The following ZFAT variants were observed in gnomAD, a reference collection of about 807,000 sequenced individuals.
ZFAT encodes the protein zinc finger protein ZFAT.
Under a neutral mutation model 117.7 loss-of-function variants are expected in ZFAT, and 64 were observed. The observed-to-expected ratio is 0.54, with a 90% CI of 0.44 to 0.67. The LOEUF (loss-of-function observed/expected upper bound fraction) is 0.67, where lower values mean the gene tolerates loss of function less well. ZFAT is among the 30% of genes least tolerant of loss of function. The pLI, the probability that ZFAT is intolerant of heterozygous loss-of-function variation, is 0.00. For synonymous variants in ZFAT, 679 were observed against 615.0 expected (o/e 1.10, Z -1.54); for missense variants, 1,433 against 1,584.5 (o/e 0.90, Z 1.62).
At chr8:134,652,810 A>T (rs575207013) in intron 2 of ZFAT, among the ~76,000 whole-genome samples, 1 of 152,230 alleles carries the variant, frequency 6.6e-6, no homozygotes, top group Non-Finnish European at 1.5e-5. Context: ...AGAAGATCTT[A>T]GATCCTAGTG....
At chr8:134,548,481 T>C (rs1056718263) in intron 11 of ZFAT, among the ~76,000 whole-genome samples, 2 of 152,174 alleles carry the variant, frequency 1.3e-5, no homozygotes, top group Non-Finnish European at 1.5e-5. Context: ...GCAGAGCAGG[T>C]GCTTGTGGCC....
intron 10 of ZFAT, among the ~76,000 whole-genome samples, chr8:134,570,259 C>T (rs1824794199): frequency 6.6e-6 from 1 of 152,152 alleles, no homozygotes; most frequent in Admixed American, 6.5e-5. Flanking sequence ...AAAATCAGTC[C>T]CTGTGCCCCT....
chr8:134,787,262 G>C, the ZFAT span, among the ~76,000 whole-genome samples: 1 of 152,066 alleles, frequency 6.6e-6, no homozygotes, highest in Non-Finnish European at 1.5e-5. Flanking sequence ...TTAAATAGTT[G>C]CCTACCCCAA....
intron 3 of ZFAT, 89 bp from the exon 4 acceptor site, chr8:134,610,744 A>C: frequency 6.8e-7 from 1 of 1,466,404 alleles, no homozygotes; most frequent in East Asian, 2.3e-5. Flanking sequence ...CGGGACAGTA[A>C]AGGAAACACA....
At chr8:134,745,086 G>C in the ZFAT span, among the ~76,000 whole-genome samples, 5 of 152,080 alleles carry the variant, frequency 3.3e-5, no homozygotes, top group African/African-American at 1.2e-4. Context: ...ATCTCCTTTT[G>C]ATTAACCCTA....
intron 15 of ZFAT, among the ~76,000 whole-genome samples, chr8:134,503,911 CACAA>C (rs1264100296): frequency 2.0e-5 from 3 of 150,958 alleles, no homozygotes; most frequent in Non-Finnish European, 1.5e-5. Flanking sequence ...TTCTTTTGAA[CACAA>C]ACACACACAC....
chr8:134,577,866 A>G (rs1479440005), intron 10 of ZFAT, among the ~76,000 whole-genome samples: 2 of 152,320 alleles, frequency 1.3e-5, no homozygotes, highest in South Asian at 2.1e-4. Context: ...TAAGGAAACT[A>G]TATAATGCAC....
chr8:134,750,212 T>G, the ZFAT span, among the ~76,000 whole-genome samples: 1 of 152,204 alleles, frequency 6.6e-6, no homozygotes, highest in African/African-American at 2.4e-5. Context: ...CATAGATCTA[T>G]TCCTAAGTAA....
intron 3 of ZFAT, among the ~76,000 whole-genome samples, chr8:134,621,919 G>C (rs754438477): frequency 1.3e-5 from 2 of 152,212 alleles, no homozygotes; most frequent in African/African-American, 4.8e-5. Context: ...GGAGTTAAAG[G>C]CATCTCAGCT....
the ZFAT span, among the ~76,000 whole-genome samples, chr8:134,746,881 T>G: frequency 6.6e-6 from 1 of 152,224 alleles, no homozygotes; most frequent in Non-Finnish European, 1.5e-5. Flanking sequence ...AGCTATAATA[T>G]GTCTGCGACA....
Position 134,651,996 on chromosome 8 carries a change from C to T in ZFAT, c.196+5565G>A, listed in dbSNP as rs115698484. On this transcript the variant is annotated intron_variant, in intron 2 of 15. Coordinates refer to ENST00000377838, the MANE Select transcript of ZFAT (RefSeq NM_020863.4). ...GAAAAAAAAAAGCCAACCTACAATC[C>T]TATCCCCAAGAAAAATATATATTAA... Among the ~76,000 whole-genome samples, 352 of 152,012 alleles carry T rather than the reference C, an allele frequency of 2.3e-3. 1 individual carries two copies. Among genetic ancestry groups the T allele is most frequent in the African/African-American group, 8.2e-3 (339 of 41,518 alleles).
chr8:134,599,684 T>A, intron 7 of ZFAT: 1 of 426,196 alleles, frequency 2.3e-6, no homozygotes. Flanking sequence ...CTTCACTTTT[T>A]GCTGTCTGTA....
intron 11 of ZFAT, among the ~76,000 whole-genome samples, chr8:134,553,366 G>A (rs534375239): frequency 6.6e-5 from 10 of 152,290 alleles, no homozygotes; most frequent in African/African-American, 1.7e-4. Flanking sequence ...AGCCGGGCGC[G>A]GTGGCAGGCA....
chr8:134,766,941 T>C, the ZFAT span: 4 of 152,286 alleles, frequency 2.6e-5, no homozygotes, highest in African/African-American at 9.6e-5. Context: ...GCTTCTGCAT[T>C]GGAATGGTTC....
chr8:134,533,284 C>T (rs927727812), intron 11 of ZFAT, among the ~76,000 whole-genome samples: 2 of 152,066 alleles, frequency 1.3e-5, no homozygotes, highest in African/African-American at 2.4e-5. Context: ...ACAAAAAAAG[C>T]AATACACTAA....
At chr8:134,527,069 G>T (rs536147787) in intron 12 of ZFAT, among the ~76,000 whole-genome samples, 3 of 144,640 alleles carry the variant, frequency 2.1e-5, no homozygotes, top group African/African-American at 8.5e-5. Flanking sequence ...CTATCACAGG[G>T]GTCATTATAA....
chr8:134,658,513 T>C (rs1831762748), intron 1 of ZFAT, among the ~76,000 whole-genome samples: 1 of 152,176 alleles, frequency 6.6e-6, no homozygotes, highest in South Asian at 2.1e-4. Context: ...GGCAGGAATT[T>C]GTTGCCTTTT....
rs375516862 is a variant in ZFAT at position 134,543,357 on chromosome 8, TAGTC to T, written c.2977-10389_2977-10386del. On this transcript the variant is annotated intron_variant, in intron 11 of 15. Transcript: ENST00000377838. The stretch of plus-strand genomic sequence containing the variant: ...ATGACCTGCCCACACCTCTCTGTGA[TAGTC>T]AGCCAGGCACATGCAGGAGATGTGC... Among the ~76,000 whole-genome samples, 140 of 152,268 alleles carry T rather than the reference TAGTC, an allele frequency of 9.2e-4. 2 individuals carry two copies. The East Asian group carries it at 0.026, about 28-fold the overall frequency.
intron 3 of ZFAT, among the ~76,000 whole-genome samples, chr8:134,616,643 C>T (rs1300320493): frequency 1.3e-5 from 2 of 152,210 alleles, no homozygotes; most frequent in African/African-American, 4.8e-5. Context: ...TTCCTTTCTT[C>T]CTTTTAAAAA....
Sources: gnomAD v4.1 joint callset for allele counts (sites outside exome capture counted in the v4.1 genomes callset) on GRCh38, gnomAD v4.1.1 for gene constraint, MANE v1.5 for transcripts, NCBI Gene and HGNC (gene_info 2026-07-23, HGNC 2026-07-21) for gene names.